MIPOL1: variants seen among roughly 807,000 people sequenced by gnomAD.
MIPOL1 encodes the protein mirror-image polydactyly 1.
Under a neutral mutation model 60.9 loss-of-function variants are expected in MIPOL1, and 57 were observed. That is an observed-to-expected ratio of 0.94 (90% confidence interval 0.76 to 1.17). The LOEUF is 1.17. Among genes scored for constraint, MIPOL1 ranks in the 50% most tolerant of loss-of-function variants. The pLI, the probability that MIPOL1 is intolerant of heterozygous loss-of-function variation, is 0.00. For synonymous variants in MIPOL1, 179 were observed against 168.8 expected, an observed-to-expected ratio of 1.06 and a Z score of -0.47; for missense variants, 551 against 511.6, an observed-to-expected ratio of 1.08 and a Z score of -0.74.
At chr14:37,222,386 CTT>C (rs199520941) in intron 1 of MIPOL1, among the ~76,000 whole-genome samples, 72 of 132,848 alleles carry the variant, frequency 5.4e-4, no homozygotes, top group Admixed American at 8.4e-4. Context: ...ACACACCTGG[CTT>C]TTTTTTTTTT....
At chr14:37,514,065 A>T (rs1353643869) in intron 12 of MIPOL1, among the ~76,000 whole-genome samples, 3 of 152,174 alleles carry the variant, frequency 2.0e-5, no homozygotes, top group Admixed American at 2.0e-4. Flanking sequence ...TTTTAACTAA[A>T]ATTTGATAGG....
intron 11 of MIPOL1, among the ~76,000 whole-genome samples, chr14:37,491,952 A>T (rs897529777): frequency 6.6e-6 from 1 of 152,168 alleles, no homozygotes. Flanking sequence ...AAGGCCTATT[A>T]TACTGGAGCA....
At chr14:37,299,997 TG>T (rs2086229011) in intron 7 of MIPOL1, among the ~76,000 whole-genome samples, 1 of 152,066 alleles carries the variant, frequency 6.6e-6, no homozygotes, top group Non-Finnish European at 1.5e-5. Context: ...ATGGTTATGT[TG>T]GGTTTATGAG....
chr14:37,464,970 T>C (rs1037607863), intron 11 of MIPOL1, among the ~76,000 whole-genome samples: 5 of 152,186 alleles, frequency 3.3e-5, no homozygotes, highest in Non-Finnish European at 7.4e-5. Context: ...AGTGAAGTTT[T>C]GTTATCATTT....
intron 9 of MIPOL1, among the ~76,000 whole-genome samples, chr14:37,354,517 T>G (rs900729322): frequency 1.8e-5 from 1 of 54,570 alleles, no homozygotes; most frequent in African/African-American, 7.3e-5. Context: ...TGTTAAAGTC[T>G]CCCATTATTA....
At chr14:37,302,282 T>C (rs2086356357) in intron 7 of MIPOL1, among the ~76,000 whole-genome samples, 2 of 83,426 alleles carry the variant, frequency 2.4e-5, no homozygotes, top group African/African-American at 8.0e-5. Flanking sequence ...TTTTTTTTTT[T>C]CTTGTTTTGG....
At chr14:37,499,859 C>T (rs752433062) in intron 11 of MIPOL1, 49 bp from the exon 12 acceptor site, 1 of 932,694 alleles carries the variant, frequency 1.1e-6, no homozygotes. Context: ...GATCATAGAT[C>T]ACTCAGTTTA....
chr14:37,526,479 C>T (rs1467048062), intron 12 of MIPOL1, among the ~76,000 whole-genome samples: 1 of 151,024 alleles, frequency 6.6e-6, no homozygotes, highest in African/African-American at 2.4e-5. Flanking sequence ...ACGCCATTCT[C>T]CTGCCTCAGC....
intron 1 of MIPOL1, among the ~76,000 whole-genome samples, chr14:37,207,192 G>GAATCATGGGGGCAGA (rs1407075430): frequency 6.6e-6 from 1 of 152,146 alleles, no homozygotes; most frequent in East Asian, 1.9e-4. Flanking sequence ...GGAGATACTT[G>GAATCATGGGGGCAGA]AATCATGGGG....
At chr14:37,525,749 A>G (rs2095442402) in intron 12 of MIPOL1, among the ~76,000 whole-genome samples, 1 of 152,202 alleles carries the variant, frequency 6.6e-6, no homozygotes, top group African/African-American at 2.4e-5. Flanking sequence ...CAGCAAACTT[A>G]TAAAAGTACT....
chr14:37,510,204 A>G (rs937312562), intron 12 of MIPOL1, among the ~76,000 whole-genome samples: 2 of 152,010 alleles, frequency 1.3e-5, no homozygotes, highest in Non-Finnish European at 2.9e-5. Context: ...TTATATATAT[A>G]CACATACATA....
rs772798630 is a variant in MIPOL1, at chr14:37,267,165, T to C, written c.247T>C (p.Tyr83His). 1 of 1,609,350 alleles carries C rather than the reference T, an allele frequency of 6.2e-7. No homozygotes were observed. Among genetic ancestry groups the C allele is most frequent in the Non-Finnish European group, 8.5e-7 (1 of 1,176,324 alleles). The change falls in exon 4 of 13, where the codon TAC becomes CAC. Residue 83 changes from tyrosine (Y) to histidine (H), a missense_variant. By Grantham distance (83) the Tyr-to-His change is moderately conservative (BLOSUM62 2). Transcript: ENST00000684589. ...GTCTGTTTACTGCACTACTGAAAAATACAAGTAAGTGCTCACAGCCTTAGA... is the reference window on the plus strand; with the variant it reads ...GTCTGTTTACTGCACTACTGAAAAACACAAGTAAGTGCTCACAGCCTTAGA... ...DESVYCTTEK[Y>H]NVMEHRHNDM...
chr14:37,211,722 A>C (rs1966847798), intron 1 of MIPOL1, among the ~76,000 whole-genome samples: 1 of 152,104 alleles, frequency 6.6e-6, no homozygotes, highest in African/African-American at 2.4e-5. Context: ...GGCATGTGAC[A>C]TACTGAGACA....
intron 9 of MIPOL1, among the ~76,000 whole-genome samples, chr14:37,316,642 GGTT>G (rs1264639150): frequency 6.8e-6 from 1 of 147,710 alleles, no homozygotes. Flanking sequence ...TAGCACATGT[GGTT>G]GTTGTATTGA....
chr14:37,310,250 T>G (rs1297846947), intron 9 of MIPOL1, among the ~76,000 whole-genome samples: 4 of 152,172 alleles, frequency 2.6e-5, no homozygotes, highest in Non-Finnish European at 5.9e-5. Context: ...ATCACACAAA[T>G]TTACTGACTG....
intron 1 of MIPOL1, among the ~76,000 whole-genome samples, chr14:37,208,959 T>C (rs972677752): frequency 2.0e-5 from 3 of 152,176 alleles, no homozygotes; most frequent in Non-Finnish European, 4.4e-5. Flanking sequence ...AGAACACTAA[T>C]ATTGTGGTTT....
Position 37,510,625 on chromosome 14 carries a change from T to C in MIPOL1, c.1262+10487T>C, listed in dbSNP as rs180915306. 9.9e-5 allele frequency among the ~76,000 whole-genome samples: 15 copies of C among 152,270 alleles called. No homozygotes were observed. The East Asian group carries it at 2.9e-3, about 29-fold the overall frequency. The stretch of plus-strand genomic sequence containing the variant: ...ATTGACTGTGTTCTATTCATCTTTG[T>C]TTCCCCATCTCTTCTAAAAACTCAT... On this transcript the variant is annotated intron_variant, in intron 12 of 12. Coordinates refer to ENST00000684589, the MANE Select transcript of MIPOL1 (RefSeq NM_001388067.1).
chr14:37,392,408 AC>A (rs2093270394), intron 10 of MIPOL1, among the ~76,000 whole-genome samples: 2 of 152,204 alleles, frequency 1.3e-5, no homozygotes, highest in Admixed American at 1.3e-4. Flanking sequence ...GGACTGACTT[AC>A]TAGTTTTACA....
At chr14:37,251,745 C>T (rs182726533) in intron 3 of MIPOL1, among the ~76,000 whole-genome samples, 43 of 151,946 alleles carry the variant, frequency 2.8e-4, no homozygotes, top group Admixed American at 1.2e-3. Context: ...AATTCCTGAT[C>T]ATTTCTTAAA....
Sources: allele counts gnomAD v4.1 joint callset (sites outside exome capture counted in the v4.1 genomes callset), GRCh38; gene constraint gnomAD v4.1.1; transcripts MANE v1.5; gene names NCBI Gene and HGNC (gene_info 2026-07-23, HGNC 2026-07-21).